The following FARP1 variants were observed in gnomAD, a reference collection of about 807,000 sequenced individuals.
The protein encoded by FARP1 is FERM, ARHGEF and pleckstrin domain-containing protein 1.
Under a neutral mutation model 128.8 loss-of-function variants are expected in FARP1, and 52 were observed. The observed-to-expected ratio is 0.40, with a 90% CI of 0.32 to 0.51. The LOEUF is 0.51. Among genes scored for constraint, FARP1 ranks in the 20% least tolerant of loss-of-function variants. The probability of loss-of-function intolerance (pLI) is 0.45; values close to 1 mark genes in which losing one functional copy is unlikely to be tolerated. For synonymous variants in FARP1, 580 were observed against 551.8 expected (o/e 1.05, Z -0.72); for missense variants, 1,333 against 1,367.9 (o/e 0.97, Z 0.40).
At position 98,446,750 on chromosome 13, in the gene FARP1, G is replaced by T; in HGVS notation, c.2989G>T (p.Val997Leu). 2 of 1,614,160 alleles carry T rather than the reference G, an allele frequency of 1.2e-6. No individual in the cohort carries two copies. The highest frequency in any genetic ancestry group is 1.7e-6 in the Non-Finnish European group (2 of 1,180,034). Reference protein sequence around the residue: ...SESENIQKDYVFKLHFKSHVY... With the variant: ...SESENIQKDYLFKLHFKSHVY... ...GTCCGAGAACATCCAGAAAGACTAC[G>T]TGTTCAAGCTGCACTTCAAGTCCCA... Residue 997 changes from valine to leucine, a missense_variant, in exon 26 of 27, where the codon GTG becomes TTG. Transcript: ENST00000319562.
chr13:98,440,280 T>C, intron 23 of FARP1, 45 bp downstream of exon 23: 3 of 1,400,572 alleles, frequency 2.1e-6, no homozygotes, highest in Non-Finnish European at 3.0e-6. Context: ...GTCTGGTTCA[T>C]GGAGGGACAG....
rs76985670 is a variant in FARP1 at position 98,227,461 on chromosome 13, A to T, written c.171+14048A>T. Among the ~76,000 whole-genome samples, 65 of 152,108 alleles carry T rather than the reference A, an allele frequency of 4.3e-4. 3 individuals carry two copies. In the East Asian group the frequency reaches 0.013, roughly 29 times the overall value. ...TAGGATGGCTACTATTAAAAAAAAA[A>T]AAAACAGAAAAAAACGAGTACTGAT... On this transcript the variant is annotated intron_variant, in intron 2 of 26. Transcript: ENST00000319562.
At chr13:98,170,383 G>A (rs1877570337) in intron 1 of FARP1, among the ~76,000 whole-genome samples, 1 of 151,970 alleles carries the variant, frequency 6.6e-6, no homozygotes, top group East Asian at 1.9e-4. Context: ...TTGAGACAGA[G>A]TCTTGCTCTG....
intron 5 of FARP1, among the ~76,000 whole-genome samples, chr13:98,369,601 T>A (rs1889244628): frequency 1.3e-5 from 2 of 151,726 alleles, no homozygotes; most frequent in East Asian, 3.9e-4. Context: ...CACCTATGAG[T>A]GAGAACATGT....
intron 2 of FARP1, among the ~76,000 whole-genome samples, chr13:98,290,764 A>G (rs1885412028): frequency 6.6e-6 from 1 of 152,156 alleles, no homozygotes. Flanking sequence ...TAGAGCTGAC[A>G]AGATCTCCTA....
intron 25 of FARP1, 52 bp downstream of exon 25, chr13:98,446,257 T>C (rs777034607): frequency 8.1e-7 from 1 of 1,242,024 alleles, no homozygotes; most frequent in Admixed American, 1.7e-5. Flanking sequence ...GGTGGCAGCA[T>C]GAGGTGAGGG....
At chr13:98,313,810 C>G (rs577250853) in intron 2 of FARP1, among the ~76,000 whole-genome samples, 1 of 152,208 alleles carries the variant, frequency 6.6e-6, no homozygotes, top group Non-Finnish European at 1.5e-5. Context: ...ACCTGCCAGC[C>G]GCCTCCTCAT....
At position 98,438,768 on chromosome 13, in the gene FARP1, G is replaced by A. The variant is rs760207732; in HGVS notation, c.2275-36G>A. On this transcript the variant is annotated intron_variant, in intron 19 of 26. Coordinates refer to ENST00000319562, the MANE Select transcript of FARP1 (RefSeq NM_005766.4). Reference sequence around the variant, plus strand: ...GGCCGTCAGCCCTTGGGGTCCGCACGCTCGCAGCCAGCCCTCCGGTCTGTC... The same window carrying A: ...GGCCGTCAGCCCTTGGGGTCCGCACACTCGCAGCCAGCCCTCCGGTCTGTC... 2.1e-5 allele frequency: 34 copies of A among 1,593,308 alleles called. No homozygotes were observed. In the Admixed American group the frequency reaches 2.8e-4, roughly 13 times the overall value.
At chr13:98,173,326 G>A (rs1169781771) in intron 1 of FARP1, among the ~76,000 whole-genome samples, 1 of 152,090 alleles carries the variant, frequency 6.6e-6, no homozygotes, top group Non-Finnish European at 1.5e-5. Flanking sequence ...AATTTTAGGT[G>A]GTACTTATAA....
In FARP1 at chr13:98,449,801, T is replaced by TG. The variant is rs58342268; in HGVS notation, c.*1492dup. ...TTGTCTGTAGTCTTCATTTTCTGTG[T>TG]GGGGGGGGAGGGGGGAAGGGGACAC... is the stretch of plus-strand genomic sequence containing the variant. On this transcript the variant is annotated 3_prime_UTR_variant, in exon 27 of 27. Coordinates refer to ENST00000319562, the MANE Select transcript of FARP1 (RefSeq NM_005766.4). 46 of 117,546 alleles carry TG rather than the reference T, an allele frequency of 3.9e-4. No individual in the cohort carries two copies. Among genetic ancestry groups the TG allele is most frequent in the East Asian group, 2.6e-3 (9 of 3,520 alleles). The allele number at this position is 117,546 out of a possible 1,614,324, so 7.3% of individuals were successfully genotyped here.
chr13:98,170,660 C>T (rs1166900815), intron 1 of FARP1, among the ~76,000 whole-genome samples: 3 of 151,500 alleles, frequency 2.0e-5, no homozygotes, highest in Non-Finnish European at 4.4e-5. Context: ...CTGGTCTAAT[C>T]ATTGTATTTT....
In FARP1 at chr13:98,313,109, T is replaced by TACAC. The variant is rs10565192; in HGVS notation, c.172-30624_172-30621dup. Among the ~76,000 whole-genome samples, 1,131 of 138,342 alleles carry TACAC rather than the reference T, an allele frequency of 8.2e-3. 22 individuals carry two copies. The highest frequency in any genetic ancestry group is 0.054 in the East Asian group (247 of 4,578). 90.8% of individuals were successfully genotyped at this position (138,342 alleles called of 152,430 possible). On this transcript the variant is annotated intron_variant, in intron 2 of 26. Coordinates refer to ENST00000319562, the MANE Select transcript of FARP1 (RefSeq NM_005766.4). ...CACTCTGGAATCGGGTGGGTCATAA[T>TACAC]ACACACACACACACACACACACACA... is the stretch of plus-strand genomic sequence containing the variant.
At chr13:98,374,956 C>A (rs1043912269) in intron 5 of FARP1, among the ~76,000 whole-genome samples, 3 of 152,134 alleles carry the variant, frequency 2.0e-5, no homozygotes, top group African/African-American at 4.8e-5. Context: ...AACTCACTCA[C>A]CCCCAAGGGA....
At chr13:98,319,720 G>A (rs1215173245) in intron 2 of FARP1, among the ~76,000 whole-genome samples, 1 of 152,114 alleles carries the variant, frequency 6.6e-6, no homozygotes, top group African/African-American at 2.4e-5. Context: ...TTCTTATTTT[G>A]TCAGGATCAA....
At chr13:98,277,719 G>A (rs191505517) in intron 2 of FARP1, among the ~76,000 whole-genome samples, 147 of 152,236 alleles carry the variant, frequency 9.7e-4, no homozygotes, top group African/African-American at 3.4e-3. Context: ...TGCATGCGGC[G>A]CCTGTTTCAG....
intron 2 of FARP1, among the ~76,000 whole-genome samples, chr13:98,280,960 A>G (rs1166455983): frequency 1.3e-5 from 2 of 152,226 alleles, no homozygotes; most frequent in Non-Finnish European, 1.5e-5. Flanking sequence ...GATTAATGTA[A>G]TCCTAATCTG....
chr13:98,210,070 T>C (rs1880584118), intron 1 of FARP1, among the ~76,000 whole-genome samples: 1 of 151,928 alleles, frequency 6.6e-6, no homozygotes, highest in Non-Finnish European at 1.5e-5. Context: ...GTACAATGTA[T>C]AGAATGGTAG....
At chr13:98,444,845 C>A (rs1892722993) in intron 24 of FARP1, among the ~76,000 whole-genome samples, 1 of 152,172 alleles carries the variant, frequency 6.6e-6, no homozygotes, top group Non-Finnish European at 1.5e-5. Context: ...CCTCCTTGCT[C>A]CATGTTGCGT....
In FARP1 at chr13:98,343,865, C is replaced by T. The variant is rs747461832; in HGVS notation, c.275C>T (p.Thr92Met). The T allele has an allele frequency of 5.2e-5, 83 of 1,595,530 alleles. No individual in the cohort carries two copies. The Middle Eastern group carries it at 6.6e-4, about 13-fold the overall frequency. The change falls in exon 3 of 27, where the codon ACG becomes ATG. Residue 92 changes from threonine to methionine, a missense_variant and splice_region_variant. Around this residue, in one of 2 missense-constraint regions of FARP1, gnomAD observed 324 missense variants for 398.1 expected, o/e 0.81. Coordinates refer to ENST00000319562, the MANE Select transcript of FARP1 (RefSeq NM_005766.4). Reference sequence around the variant, plus strand: ...GAGTTTCCTGATCACAAAAAGATCACGGTAGGTGATGTCAACTTAATGTTA... The same window carrying T: ...GAGTTTCCTGATCACAAAAAGATCATGGTAGGTGATGTCAACTTAATGTTA... ...GLEFPDHKKI[T>M]VWLDLLKPIV...
Sources: gnomAD v4.1 joint callset for allele counts (sites outside exome capture counted in the v4.1 genomes callset) on GRCh38, gnomAD v4.1.1 for gene constraint, gnomAD v4.1.1 regional missense constraint, MANE v1.5 for transcripts, NCBI Gene and HGNC (gene_info 2026-07-23, HGNC 2026-07-21) for gene names.